Variants in ATP9B observed in about 807,000 individuals in gnomAD.
ATP9B encodes the protein probable phospholipid-transporting ATPase IIB.
ATP9B carries 110 observed loss-of-function variants against 146.1 expected under a neutral mutation model. The observed-to-expected ratio is 0.75, with a 90% CI of 0.65 to 0.88. The LOEUF (loss-of-function observed/expected upper bound fraction) is 0.88. ATP9B is among the 40% of genes least tolerant of loss of function. ATP9B has a pLI of 0.00. For missense variants in ATP9B, 1,499 were observed against 1,496.4 expected, an observed-to-expected ratio of 1.00 and a Z score of -0.03; for synonymous variants, 604 against 569.7, an observed-to-expected ratio of 1.06 and a Z score of -0.86.
At chr18:79,240,277 G>A (rs2144681126) in intron 11 of ATP9B, among the ~76,000 whole-genome samples, 1 of 152,312 alleles carries the variant, frequency 6.6e-6, no homozygotes, top group Middle Eastern at 3.4e-3. Context: ...TGAGCAGGAA[G>A]TTTTATCACA....
intron 14 of ATP9B, among the ~76,000 whole-genome samples, chr18:79,306,705 A>G (rs943639861): frequency 2.0e-5 from 3 of 152,260 alleles, no homozygotes; most frequent in Non-Finnish European, 4.4e-5. Context: ...AATTAGTGCC[A>G]TTGTTGAAGT....
In ATP9B at chr18:79,257,547, T is replaced by TG. The variant is rs539262706; in HGVS notation, c.1268+4010dup. Among the ~76,000 whole-genome samples, 30 of 152,328 alleles carry TG rather than the reference T, an allele frequency of 2.0e-4. No homozygotes were observed. The South Asian group carries it at 6.2e-3, about 32-fold the overall frequency. On this transcript the variant is annotated intron_variant, in intron 12 of 29. Coordinates refer to ENST00000426216, the MANE Select transcript of ATP9B (RefSeq NM_198531.5). The stretch of plus-strand genomic sequence containing the variant: ...AACCTTGCAGGGCTTCAGAGCAATG[T>TG]GGGGCTTCCCTGGCCTGGTGTTTAT...
intron 1 of ATP9B, 94 bp downstream of exon 1, chr18:79,069,623 C>T: frequency 1.3e-6 from 1 of 777,608 alleles, no homozygotes; most frequent in Non-Finnish European, 1.8e-6. Flanking sequence ...TCTGGGGTCG[C>T]TACCGGCGCG....
chr18:79,282,789 C>G (rs2096392184), intron 13 of ATP9B, among the ~76,000 whole-genome samples: 1 of 152,158 alleles, frequency 6.6e-6, no homozygotes, highest in South Asian at 2.1e-4. Flanking sequence ...TTCATATCCT[C>G]AATTGGAAAG....
At position 79,292,111 on chromosome 18, in the gene ATP9B, C is replaced by T. The variant is rs544277894; in HGVS notation, c.1412-11493C>T. ...CAAATAATATTCCATCGTGTGGATA[C>T]ACCACACTTTATTTATCCATTCATA... On this transcript the variant is annotated intron_variant, in intron 13 of 29. Coordinates refer to ENST00000426216, the MANE Select transcript of ATP9B (RefSeq NM_198531.5). Among the ~76,000 whole-genome samples, 4 of 152,346 alleles carry T rather than the reference C, an allele frequency of 2.6e-5. No homozygotes were observed. In the South Asian group the frequency reaches 8.3e-4, roughly 32 times the overall value.
Position 79,337,405 on chromosome 18 carries a change from G to C in ATP9B, c.2239G>C (p.Asp747His). ...CGGCGTGGAGGACCAGCTGCAGGCA[G>C]ACGTGCGGCCCACGCTGGAGATGCT... ...LTGVEDQLQA[D>H]VRPTLEMLRN... The change falls in exon 19 of 30, where the codon GAC becomes CAC. Residue 747 changes from aspartate to histidine, a missense_variant. Physicochemically the swap from Asp to His is moderately conservative, Grantham distance 81. Transcript: ENST00000426216. The C allele has an allele frequency of 6.2e-7, 1 of 1,613,708 alleles. No homozygotes were observed. Among genetic ancestry groups the C allele is most frequent in the Non-Finnish European group, 8.5e-7 (1 of 1,180,042 alleles).
At chr18:79,080,834 G>C (rs2073170489) in intron 1 of ATP9B, among the ~76,000 whole-genome samples, 2 of 152,142 alleles carry the variant, frequency 1.3e-5, no homozygotes, top group South Asian at 4.1e-4. Flanking sequence ...GCATGAAGGG[G>C]TTTTGAATTT....
intron 13 of ATP9B, among the ~76,000 whole-genome samples, chr18:79,292,142 A>G (rs1468712056): frequency 1.3e-5 from 2 of 152,196 alleles, no homozygotes; most frequent in African/African-American, 4.8e-5. Flanking sequence ...TCATAAGGTG[A>G]TGGACATGGG....
At chr18:79,279,401 T>C (rs923533894) in intron 13 of ATP9B, among the ~76,000 whole-genome samples, 7 of 152,228 alleles carry the variant, frequency 4.6e-5, no homozygotes, top group African/African-American at 1.2e-4. Context: ...TTAGTCTTCA[T>C]TGATAAATAT....
chr18:79,225,158 G>A (rs2095716388), intron 11 of ATP9B, among the ~76,000 whole-genome samples: 2 of 152,118 alleles, frequency 1.3e-5, no homozygotes, highest in African/African-American at 4.8e-5. Flanking sequence ...ATCTGATTTT[G>A]ACTTATTCAT....
intron 11 of ATP9B, among the ~76,000 whole-genome samples, chr18:79,250,503 C>T (rs1412486606): frequency 6.6e-6 from 1 of 152,154 alleles, no homozygotes; most frequent in Non-Finnish European, 1.5e-5. Flanking sequence ...AGGCCTGAAA[C>T]TTAGACCGCC....
At chr18:79,296,724 T>C (rs2096551037) in intron 13 of ATP9B, among the ~76,000 whole-genome samples, 1 of 152,258 alleles carries the variant, frequency 6.6e-6, no homozygotes, top group Non-Finnish European at 1.5e-5. Flanking sequence ...GTTATCATTA[T>C]TCTTTTTTAA....
At chr18:79,345,127 G>C (rs979433068) in intron 21 of ATP9B, among the ~76,000 whole-genome samples, 2 of 152,194 alleles carry the variant, frequency 1.3e-5, no homozygotes, top group Admixed American at 6.5e-5. Context: ...TTCCAGGGGA[G>C]GGGGATCAGA....
intron 19 of ATP9B, 99 bp from the exon 20 acceptor site, chr18:79,342,169 G>A (rs1019811272): frequency 1.2e-6 from 1 of 821,572 alleles, no homozygotes; most frequent in Non-Finnish European, 2.1e-6. Flanking sequence ...ACGGGCACCT[G>A]GGTTGCTTCC....
rs144482318 is a variant in ATP9B, at chr18:79,173,428, G to T, written c.779-3385G>T. 1.5e-3 allele frequency among the ~76,000 whole-genome samples: 218 copies of T among 143,704 alleles called. 2 individuals are homozygous for T. The highest frequency in any genetic ancestry group is 5.6e-3 in the African/African-American group (205 of 36,708). 94.3% of individuals were successfully genotyped at this position (143,704 alleles called of 152,430 possible). A position where few individuals can be genotyped will look rare whatever the true frequency, so the allele number is the denominator to read the frequency against. On this transcript the variant is annotated intron_variant, in intron 7 of 29. Coordinates refer to ENST00000426216, the MANE Select transcript of ATP9B (RefSeq NM_198531.5). ...CTGTGCCCTGAGGATTTCTTCTTGT[G>T]GTGGTTTTTTTTTTTTGTCCTAAAA...
intron 8 of ATP9B, among the ~76,000 whole-genome samples, chr18:79,180,678 T>A (rs2095240590): frequency 6.6e-6 from 1 of 152,224 alleles, no homozygotes; most frequent in Non-Finnish European, 1.5e-5. Context: ...AGGTTTCCAT[T>A]TACTGCCAAT....
intron 15 of ATP9B, among the ~76,000 whole-genome samples, chr18:79,317,379 AAATG>A (rs2096686791): frequency 6.6e-6 from 1 of 152,236 alleles, no homozygotes; most frequent in Admixed American, 6.5e-5. Context: ...GACTTGTAGG[AAATG>A]TTTGCAGAAT....
intron 11 of ATP9B, among the ~76,000 whole-genome samples, chr18:79,240,141 CTT>C (rs1266313798): frequency 6.6e-6 from 1 of 152,210 alleles, no homozygotes; most frequent in Admixed American, 6.5e-5. Context: ...TCCTCAGTGA[CTT>C]TGCTGGACTC....
intron 11 of ATP9B, among the ~76,000 whole-genome samples, chr18:79,228,438 A>G (rs1013355968): frequency 2.0e-5 from 3 of 152,212 alleles, no homozygotes; most frequent in African/African-American, 7.2e-5. Flanking sequence ...TGAAGGGTGC[A>G]TTGCCTTCCT....
Sources: allele counts gnomAD v4.1 joint callset (sites outside exome capture counted in the v4.1 genomes callset), GRCh38; gene constraint gnomAD v4.1.1; transcripts MANE v1.5; gene names NCBI Gene and HGNC (gene_info 2026-07-23, HGNC 2026-07-21).